Variants in ARHGEF12 observed in about 807,000 individuals in gnomAD.
ARHGEF12 encodes Rho guanine nucleotide exchange factor 12.
Under a neutral mutation model 211.2 loss-of-function variants are expected in ARHGEF12, and 66 were observed. The ratio of observed to expected loss-of-function variants is 0.31; its 90% CI spans 0.26 to 0.38. The LOEUF is 0.38. Among genes scored for constraint, ARHGEF12 ranks in the 10% least tolerant of loss-of-function variants. The pLI, the probability that ARHGEF12 is intolerant of heterozygous loss-of-function variation, is 1.00. For missense variants in ARHGEF12, 1,429 were observed against 1,869.5 expected (o/e 0.76, Z 4.34); for synonymous variants, 592 against 638.4 (o/e 0.93, Z 1.09).
At chr11:120,393,870 T>C (rs1944293104) in intron 1 of ARHGEF12, among the ~76,000 whole-genome samples, 1 of 152,032 alleles carries the variant, frequency 6.6e-6, no homozygotes, top group Non-Finnish European at 1.5e-5. Flanking sequence ...TTTTTTTTTT[T>C]CATGTTTGCA....
intron 36 of ARHGEF12, 78 bp downstream of exon 36, chr11:120,477,604 C>A: frequency 7.3e-7 from 1 of 1,368,522 alleles, no homozygotes; most frequent in Non-Finnish European, 1.0e-6. Context: ...GTGGCTCATG[C>A]CTGTAATCCC....
chr11:120,403,113 A>G (rs758309069), intron 1 of ARHGEF12, among the ~76,000 whole-genome samples: 2 of 152,246 alleles, frequency 1.3e-5, no homozygotes, highest in African/African-American at 4.8e-5. Flanking sequence ...GAATTTAACA[A>G]GGAAAAGGTA....
chr11:120,374,713 A>G (rs1170085260), intron 1 of ARHGEF12, among the ~76,000 whole-genome samples: 1 of 152,340 alleles, frequency 6.6e-6, no homozygotes, highest in Non-Finnish European at 1.5e-5. Context: ...ACTTGCAAAC[A>G]TAGAAAAAAA....
Position 120,407,914 on chromosome 11 carries a change from T to C in ARHGEF12, c.142+91T>C. ...GCTACCCGAAACACTCAGGAATAGTTGTTTGATCTGTTTTAGGACTCTCAC... is the reference window on the plus strand; with the variant it reads ...GCTACCCGAAACACTCAGGAATAGTCGTTTGATCTGTTTTAGGACTCTCAC... On this transcript the variant is annotated intron_variant, in intron 3 of 40. Coordinates refer to ENST00000397843, the MANE Select transcript of ARHGEF12 (RefSeq NM_015313.3). The C allele has an allele frequency of 2.7e-6, 3 of 1,105,802 alleles. No homozygotes were observed. The South Asian group carries it at 4.2e-5, about 15-fold the overall frequency. 68.5% of individuals were successfully genotyped at this position (1,105,802 alleles called of 1,614,324 possible). A position where few individuals can be genotyped will look rare whatever the true frequency, so the allele number is the denominator to read the frequency against.
At chr11:120,341,735 T>C (rs1942543170) in intron 1 of ARHGEF12, among the ~76,000 whole-genome samples, 1 of 152,258 alleles carries the variant, frequency 6.6e-6, no homozygotes, top group Admixed American at 6.5e-5. Context: ...TTTTCAAGAA[T>C]AGTAGCTTAA....
intron 22 of ARHGEF12, among the ~76,000 whole-genome samples, chr11:120,455,010 C>T (rs1946322677): frequency 2.0e-5 from 3 of 151,912 alleles, no homozygotes; most frequent in Admixed American, 2.0e-4. Context: ...TTCAGACCAC[C>T]ACAGCGATCA....
chr11:120,391,875 A>T (rs1035269710), intron 1 of ARHGEF12, among the ~76,000 whole-genome samples: 1 of 152,216 alleles, frequency 6.6e-6, no homozygotes, highest in South Asian at 2.1e-4. Flanking sequence ...TATCAATATT[A>T]TAAACTTTAT....
chr11:120,430,287 G>T (rs1436225236), intron 10 of ARHGEF12, among the ~76,000 whole-genome samples: 1 of 152,016 alleles, frequency 6.6e-6, no homozygotes, highest in Non-Finnish European at 1.5e-5. Context: ...ACTTATGGTT[G>T]TTTTCCTCCA....
intron 1 of ARHGEF12, among the ~76,000 whole-genome samples, chr11:120,401,771 A>G (rs543063462): frequency 2.9e-4 from 44 of 152,344 alleles, no homozygotes; most frequent in African/African-American, 1.0e-3. Context: ...AAGTATTGAC[A>G]TGAATTTTCT....
rs148017329 is a variant in ARHGEF12, at chr11:120,485,315, C to T, written c.*238C>T. The T allele has an allele frequency of 5.3e-4, 227 of 430,436 alleles. No individual in the cohort carries two copies. Among genetic ancestry groups the T allele is most frequent in the Non-Finnish European group, 8.2e-4 (197 of 239,632 alleles). 26.7% of individuals were successfully genotyped at this position (430,436 alleles called of 1,614,324 possible). A position where few individuals can be genotyped will look rare whatever the true frequency, so the allele number is the denominator to read the frequency against. On this transcript the variant is annotated 3_prime_UTR_variant, in exon 41 of 41. Transcript: ENST00000397843. ...TCCCTCACTCTACTCTCCTCACTAT[C>T]GGAAATTCATTTTGATTCAGAATAA...
At chr11:120,342,286 C>T (rs1251353464) in intron 1 of ARHGEF12, among the ~76,000 whole-genome samples, 1 of 152,084 alleles carries the variant, frequency 6.6e-6, no homozygotes, top group Admixed American at 6.5e-5. Context: ...GAGGATAAAG[C>T]TTTTGTCACT....
At chr11:120,460,195 A>G (rs61898760) in intron 26 of ARHGEF12, among the ~76,000 whole-genome samples, 3,229 of 152,206 alleles carry the variant, frequency 0.021, 53 homozygotes, top group Non-Finnish European at 0.034. Flanking sequence ...TTTTCATGTC[A>G]TCACTAACTA....
In ARHGEF12 at chr11:120,486,511, A is replaced by G. The variant is rs57563510; in HGVS notation, c.*1434A>G. 4,949 of 229,432 alleles carry G rather than the reference A, an allele frequency of 0.022. 660 individuals carry two copies. The East Asian group carries it at 0.29, about 13-fold the overall frequency. The allele number at this position is 229,432 out of a possible 1,614,324, so 14.2% of individuals were successfully genotyped here. A position where few individuals can be genotyped will look rare whatever the true frequency, so the allele number is the denominator to read the frequency against. Reference sequence around the variant, plus strand: ...TAAGTTTCAGAATTGTAATTTGAGAACTCCTTCAATTATATTGACTTTCTT... The same window carrying G: ...TAAGTTTCAGAATTGTAATTTGAGAGCTCCTTCAATTATATTGACTTTCTT... On this transcript the variant is annotated 3_prime_UTR_variant, in exon 41 of 41. Transcript: ENST00000397843.
At chr11:120,380,527 C>CG (rs1356800007) in intron 1 of ARHGEF12, among the ~76,000 whole-genome samples, 2 of 152,158 alleles carry the variant, frequency 1.3e-5, no homozygotes, top group Non-Finnish European at 2.9e-5. Context: ...AGAATGCCCC[C>CG]CAGTCTGCGT....
rs142902959 is a variant in ARHGEF12 at position 120,486,827 on chromosome 11, T to C, written c.*1750T>C. On this transcript the variant is annotated 3_prime_UTR_variant, in exon 41 of 41. Transcript: ENST00000397843. ...TTTCTGTTTCTGTCCTAAATTGATCTGTGTTTTTAGGTGGATCAACTTGGA... is the reference window on the plus strand; with the variant it reads ...TTTCTGTTTCTGTCCTAAATTGATCCGTGTTTTTAGGTGGATCAACTTGGA... 2.3e-3 allele frequency: 500 copies of C among 216,752 alleles called. 3 individuals carry two copies. The highest frequency in any genetic ancestry group is 0.01 in the African/African-American group (462 of 44,606). 13.4% of individuals were successfully genotyped at this position (216,752 alleles called of 1,614,324 possible).
intron 4 of ARHGEF12, chr11:120,410,659 T>C (rs755395794): frequency 2.0e-5 from 3 of 152,242 alleles, no homozygotes; most frequent in Admixed American, 1.3e-4. Context: ...TTAATTCTTC[T>C]ATGTTAGATA....
intron 22 of ARHGEF12, among the ~76,000 whole-genome samples, chr11:120,452,259 T>C (rs1946235145): frequency 6.6e-6 from 1 of 151,738 alleles, no homozygotes; most frequent in South Asian, 2.1e-4. Flanking sequence ...AGAGAGGAGA[T>C]GAGATGTAGA....
intron 9 of ARHGEF12, 35 bp from the exon 10 acceptor site, chr11:120,429,677 T>C (rs2135719656): frequency 6.3e-7 from 1 of 1,590,752 alleles, no homozygotes; most frequent in Non-Finnish European, 8.6e-7. Flanking sequence ...TTTACATAAG[T>C]AATTAATTCT....
chr11:120,451,332 C>G lies in ARHGEF12; in HGVS notation c.1844-180C>G, dbSNP rs531063901. ...TAGCTGGGATTACAGGCATGTGCCA[C>G]CACGCCCAGCTAATTTTTGTATTTT... On this transcript the variant is annotated intron_variant, in intron 21 of 40. Transcript: ENST00000397843. 4.5e-4 allele frequency: 241 copies of G among 530,192 alleles called. 3 individuals carry two copies. The East Asian group carries it at 8.1e-3, about 18-fold the overall frequency. The allele number at this position is 530,192 out of a possible 1,614,324, so 32.8% of individuals were successfully genotyped here.
Sources: gnomAD v4.1 joint callset for allele counts (sites outside exome capture counted in the v4.1 genomes callset) on GRCh38, gnomAD v4.1.1 for gene constraint, MANE v1.5 for transcripts, NCBI Gene and HGNC (gene_info 2026-07-23, HGNC 2026-07-21) for gene names.